HPSE2: variants seen among roughly 807,000 people sequenced by gnomAD.
HPSE2 encodes the protein heparanase 2 (inactive).
Under a neutral mutation model 60.5 loss-of-function variants are expected in HPSE2, and 38 were observed. The ratio of observed to expected loss-of-function variants is 0.63; its 90% CI spans 0.48 to 0.82. HPSE2 has a LOEUF of 0.82. HPSE2 is among the 40% of genes least tolerant of loss of function. The pLI, the probability that HPSE2 is intolerant of heterozygous loss-of-function variation, is 0.00. For synonymous variants in HPSE2, 295 were observed against 293.2 expected (o/e 1.01, Z -0.06); for missense variants, 713 against 740.4 (o/e 0.96, Z 0.43).
chr10:98,941,988 C>T (rs1406171866), intron 3 of HPSE2, among the ~76,000 whole-genome samples: 3 of 143,020 alleles, frequency 2.1e-5, no homozygotes, highest in Admixed American at 1.4e-4. Context: ...GAAAGGATTC[C>T]CTATTTAATA....
chr10:98,966,263 G>A (rs1229660558), intron 3 of HPSE2, among the ~76,000 whole-genome samples: 1 of 152,214 alleles, frequency 6.6e-6, no homozygotes, highest in Non-Finnish European at 1.5e-5. Context: ...CAGGCAAAGA[G>A]AGGGAGGGAA....
intron 2 of HPSE2, among the ~76,000 whole-genome samples, chr10:99,168,967 G>A (rs1847192388): frequency 6.6e-6 from 1 of 152,086 alleles, no homozygotes; most frequent in African/African-American, 2.4e-5. Flanking sequence ...GGCCAAGGCG[G>A]GTGGATCACA....
At chr10:98,484,942 A>G (rs1326096052) in intron 10 of HPSE2, among the ~76,000 whole-genome samples, 1 of 152,142 alleles carries the variant, frequency 6.6e-6, no homozygotes, top group East Asian at 1.9e-4. Context: ...AACAGAAAAA[A>G]ATGACCCAGC....
At chr10:98,650,048 T>C (rs1209816492) in intron 6 of HPSE2, among the ~76,000 whole-genome samples, 1 of 152,230 alleles carries the variant, frequency 6.6e-6, no homozygotes, top group Non-Finnish European at 1.5e-5. Flanking sequence ...TACATTTCTT[T>C]GCCCCTCTTA....
chr10:98,965,626 T>C (rs1176179703), intron 3 of HPSE2, among the ~76,000 whole-genome samples: 1 of 152,182 alleles, frequency 6.6e-6, no homozygotes, highest in Non-Finnish European at 1.5e-5. Context: ...GCCTCTCCTC[T>C]ACACCTACAC....
rs1845161446 is a variant in HPSE2 at position 99,126,310 on chromosome 10, C to A, written c.610+17928G>T. 6.6e-6 allele frequency among the ~76,000 whole-genome samples: 1 copy of A among 152,120 alleles called. No homozygotes were observed. The highest frequency in any genetic ancestry group is 2.1e-4 in the South Asian group (1 of 4,818). On this transcript the variant is annotated intron_variant, in intron 3 of 11. Transcript: ENST00000370552. This position sits in a 1 kb window ranked among gnomAD's most constrained non-coding sequence, Gnocchi z 4.0. Reference sequence around the variant, plus strand: ...CCACAGTGGCCGCAGCAAGCCTTGCCCAAGTCTGAGCCCAGACTCACCTAA... The same window carrying A: ...CCACAGTGGCCGCAGCAAGCCTTGCACAAGTCTGAGCCCAGACTCACCTAA...
intron 3 of HPSE2, among the ~76,000 whole-genome samples, chr10:98,980,001 T>C (rs1956170132): frequency 6.6e-6 from 1 of 152,210 alleles, no homozygotes. Flanking sequence ...ACACATTCTA[T>C]GTCAGATGAA....
At chr10:98,937,475 C>T (rs527973083) in intron 3 of HPSE2, among the ~76,000 whole-genome samples, 5 of 144,358 alleles carry the variant, frequency 3.5e-5, no homozygotes, top group Admixed American at 1.4e-4. Flanking sequence ...CACGGAGTCT[C>T]GCTGATTGCT....
intron 7 of HPSE2, among the ~76,000 whole-genome samples, chr10:98,623,218 C>T (rs1025733043): frequency 2.0e-5 from 3 of 152,080 alleles, no homozygotes; most frequent in Non-Finnish European, 2.9e-5. Flanking sequence ...AAGCCAGACA[C>T]AGAAGGCCGC....
chr10:99,044,392 C>T (rs938489548), intron 3 of HPSE2, among the ~76,000 whole-genome samples: 1 of 152,158 alleles, frequency 6.6e-6, no homozygotes, highest in Admixed American at 6.5e-5. Context: ...ACACCTGCTA[C>T]CACATAAACA....
chr10:98,530,993 T>C (rs1430448980), intron 9 of HPSE2, among the ~76,000 whole-genome samples: 1 of 152,202 alleles, frequency 6.6e-6, no homozygotes, highest in Non-Finnish European at 1.5e-5. Context: ...CTGGCCATTT[T>C]CTTCTTCCCT....
At chr10:98,755,335 T>C (rs1949853818) in intron 3 of HPSE2, among the ~76,000 whole-genome samples, 1 of 152,172 alleles carries the variant, frequency 6.6e-6, no homozygotes, top group Non-Finnish European at 1.5e-5. Flanking sequence ...ATCCTAAACA[T>C]ATATGCACTC....
At chr10:98,658,949 A>G (rs780605770) in intron 6 of HPSE2, among the ~76,000 whole-genome samples, 114 of 151,934 alleles carry the variant, frequency 7.5e-4, no homozygotes, top group Middle Eastern at 3.4e-3. Context: ...AAACCCACAT[A>G]ACATAAAATT....
intron 3 of HPSE2, among the ~76,000 whole-genome samples, chr10:99,072,003 T>C (rs910189385): frequency 1.3e-5 from 2 of 148,236 alleles, no homozygotes; most frequent in Non-Finnish European, 3.0e-5. Context: ...ATTCAGGAAG[T>C]GGATTGCCTC....
At chr10:98,912,081 T>C (rs1190334439) in intron 3 of HPSE2, among the ~76,000 whole-genome samples, 2 of 152,174 alleles carry the variant, frequency 1.3e-5, no homozygotes, top group African/African-American at 2.4e-5. Context: ...TAGAGTGGCA[T>C]TGAGGATAAG....
At chr10:98,578,704 A>G (rs530559225) in intron 9 of HPSE2, among the ~76,000 whole-genome samples, 1 of 152,344 alleles carries the variant, frequency 6.6e-6, no homozygotes, top group African/African-American at 2.4e-5. Context: ...TGAAACACTT[A>G]AAATTTTTTT....
intron 3 of HPSE2, among the ~76,000 whole-genome samples, chr10:98,942,599 G>T (rs945523712): frequency 4.6e-5 from 7 of 152,140 alleles, no homozygotes; most frequent in Non-Finnish European, 8.8e-5. Context: ...TGGAGAGGAT[G>T]CAGAGAAATA....
At chr10:98,859,621 G>C (rs80233532) in intron 3 of HPSE2, among the ~76,000 whole-genome samples, 4 of 152,126 alleles carry the variant, frequency 2.6e-5, no homozygotes, top group Non-Finnish European at 4.4e-5. Context: ...TCAGGACTTA[G>C]ACCAACCCTC....
intron 2 of HPSE2, among the ~76,000 whole-genome samples, chr10:99,187,237 T>C (rs2133850946): frequency 6.6e-6 from 1 of 152,284 alleles, no homozygotes; most frequent in Admixed American, 6.5e-5. Flanking sequence ...GTATGGAATA[T>C]GTTGGAGTGA....
Sources: allele counts gnomAD v4.1 joint callset (sites outside exome capture counted in the v4.1 genomes callset), GRCh38; gene constraint gnomAD v4.1.1; non-coding constraint Gnocchi (gnomAD v3.1); transcripts MANE v1.5; gene names NCBI Gene and HGNC (gene_info 2026-07-23, HGNC 2026-07-21).